Variants in GPHN observed in about 807,000 individuals in gnomAD.
The protein encoded by GPHN is gephyrin.
In GPHN, 17 loss-of-function variants were observed where a neutral mutation model predicts 95.5. The ratio of observed to expected loss-of-function variants is 0.18; its 90% CI spans 0.12 to 0.27. GPHN has a LOEUF of 0.27. Among genes scored for constraint, GPHN ranks in the 10% least tolerant of loss-of-function variants. The pLI, the probability that GPHN is intolerant of heterozygous loss-of-function variation, is 1.00. For synonymous variants in GPHN, 320 were observed against 322.5 expected, an observed-to-expected ratio of 0.99 and a Z score of 0.08; for missense variants, 660 against 978.1, an observed-to-expected ratio of 0.67 and a Z score of 4.34.
chr14:66,737,240 C>G (rs1448744447), intron 2 of GPHN, among the ~76,000 whole-genome samples: 1 of 152,002 alleles, frequency 6.6e-6, no homozygotes. Flanking sequence ...CTTCCTCTTT[C>G]TTTTTCCCCT....
At chr14:67,691,057 A>G in the GPHN span, 1 of 884,228 alleles carries the variant, frequency 1.1e-6, no homozygotes, top group South Asian at 1.4e-5. Context: ...CAATCACACA[A>G]CAAGAAGCCT....
At chr14:67,447,303 C>T in the GPHN span, 1 of 152,162 alleles carries the variant, frequency 6.6e-6, no homozygotes, top group Non-Finnish European at 1.5e-5. Flanking sequence ...ATGACCTAAT[C>T]ACCTCCCCAA....
chr14:66,860,915 A>T (rs2153521156), intron 4 of GPHN, among the ~76,000 whole-genome samples: 1 of 152,212 alleles, frequency 6.6e-6, no homozygotes, highest in Admixed American at 6.5e-5. Context: ...AGAAATTAAA[A>T]CATACCACCA....
chr14:66,938,445 T>C (rs1161336378), intron 8 of GPHN, among the ~76,000 whole-genome samples: 1 of 152,184 alleles, frequency 6.6e-6, no homozygotes, highest in African/African-American at 2.4e-5. Flanking sequence ...TTTCCTTCTG[T>C]ATTCCTTTTT....
intron 2 of GPHN, among the ~76,000 whole-genome samples, chr14:66,741,522 G>A (rs2072791142): frequency 6.6e-6 from 1 of 152,134 alleles, no homozygotes; most frequent in Non-Finnish European, 1.5e-5. Context: ...AATGTGGAGA[G>A]TAATACCAGA....
At chr14:66,752,787 G>A (rs1435850631) in intron 2 of GPHN, among the ~76,000 whole-genome samples, 2 of 151,920 alleles carry the variant, frequency 1.3e-5, no homozygotes, top group Non-Finnish European at 2.9e-5. Flanking sequence ...TTCAGGTTGT[G>A]AAAAGCACAA....
chr14:67,365,497 G>GTA, the GPHN span, among the ~76,000 whole-genome samples: 16 of 152,152 alleles, frequency 1.1e-4, no homozygotes, highest in Non-Finnish European at 2.4e-4. Context: ...ATCCAACATT[G>GTA]TATATCTTGC....
At chr14:66,961,676 A>G (rs113067492) in intron 8 of GPHN, among the ~76,000 whole-genome samples, 78 of 151,606 alleles carry the variant, frequency 5.1e-4, no homozygotes, top group African/African-American at 1.6e-3. Context: ...CACTCTCACT[A>G]AGAATCAGAG....
At chr14:66,900,161 A>C (rs898447762) in intron 5 of GPHN, among the ~76,000 whole-genome samples, 1 of 151,658 alleles carries the variant, frequency 6.6e-6, no homozygotes, top group East Asian at 1.9e-4. Context: ...TGCTTAAGAT[A>C]TTTCCATTTT....
At chr14:67,140,463 C>T (rs1449433848) in intron 17 of GPHN, among the ~76,000 whole-genome samples, 1 of 152,000 alleles carries the variant, frequency 6.6e-6, no homozygotes, top group Non-Finnish European at 1.5e-5. Flanking sequence ...AACCTTTATC[C>T]CCCTACAGAG....
the GPHN span, among the ~76,000 whole-genome samples, chr14:67,460,543 A>G: frequency 6.6e-6 from 1 of 152,154 alleles, no homozygotes; most frequent in Non-Finnish European, 1.5e-5. Flanking sequence ...GTCTCTACTA[A>G]AAGTACAAAA....
At chr14:66,996,318 A>T in intron 9 of GPHN, 1 of 798,464 alleles carries the variant, frequency 1.3e-6, no homozygotes, top group South Asian at 1.5e-5. Flanking sequence ...TTTGCCTTGC[A>T]CTTTGCACTT....
chr14:67,304,893 GAGAA>G, the GPHN span, among the ~76,000 whole-genome samples: 1 of 152,172 alleles, frequency 6.6e-6, no homozygotes, highest in African/African-American at 2.4e-5. Context: ...ATAGCAGTTT[GAGAA>G]AGAACACAGT....
the GPHN span, chr14:67,533,262 G>C: frequency 6.6e-6 from 1 of 151,972 alleles, no homozygotes; most frequent in South Asian, 2.1e-4. Context: ...CGCAGCCCAC[G>C]ACCCCTGCTG....
chr14:66,548,300 C>G (rs1714864491), intron 1 of GPHN, among the ~76,000 whole-genome samples: 2 of 151,890 alleles, frequency 1.3e-5, no homozygotes, highest in Admixed American at 1.3e-4. Flanking sequence ...TCTGCCTCAG[C>G]CTCCCATGTA....
chr14:66,638,006 C>T, intron 1 of GPHN, among the ~76,000 whole-genome samples: 1 of 151,792 alleles, frequency 6.6e-6, no homozygotes, highest in South Asian at 2.1e-4. Context: ...TATTTCTGTA[C>T]ATATATATAT....
chr14:66,908,633 G>A (rs1048642958), intron 5 of GPHN, among the ~76,000 whole-genome samples: 4 of 152,084 alleles, frequency 2.6e-5, no homozygotes, highest in African/African-American at 4.8e-5. Context: ...GTCAGGTTGG[G>A]GAAGAGTAAC....
intron 1 of GPHN, among the ~76,000 whole-genome samples, chr14:66,680,868 G>T (rs8021087): frequency 1.3e-5 from 2 of 151,908 alleles, no homozygotes; most frequent in Non-Finnish European, 2.9e-5. Context: ...TTTATGTAAT[G>T]TATTTATATA....
intron 2 of GPHN, chr14:66,760,595 A>T: frequency 2.6e-6 from 1 of 388,002 alleles, no homozygotes; most frequent in Non-Finnish European, 5.0e-6. Flanking sequence ...CATGATGTTC[A>T]TCCACAATGA....
Sources: allele counts gnomAD v4.1 joint callset (sites outside exome capture counted in the v4.1 genomes callset), GRCh38; gene constraint gnomAD v4.1.1; transcripts MANE v1.5; gene names NCBI Gene and HGNC (gene_info 2026-07-23, HGNC 2026-07-21).